HS2ST1: variants seen among roughly 807,000 people sequenced by gnomAD.
The protein encoded by HS2ST1 is heparan sulfate 2-O-sulfotransferase 1.
In HS2ST1, 18 loss-of-function variants were observed where a neutral mutation model predicts 42.9. The observed-to-expected ratio is 0.42, with a 90% CI of 0.29 to 0.62. The LOEUF is 0.62. HS2ST1 is among the 20% of genes least tolerant of loss of function. The pLI is 0.21. For synonymous variants in HS2ST1, 146 were observed against 152.9 expected, an observed-to-expected ratio of 0.95 and a Z score of 0.33; for missense variants, 334 against 433.8, an observed-to-expected ratio of 0.77 and a Z score of 2.04.
rs568914575 is a variant in HS2ST1 at position 87,096,700 on chromosome 1, C to T, written c.589-1138C>T. Among the ~76,000 whole-genome samples the T allele has an allele frequency of 3.7e-4, 56 of 152,242 alleles. 1 individual carries two copies. Among genetic ancestry groups the T allele is most frequent in the South Asian group, 1.7e-3 (8 of 4,824 alleles). The stretch of plus-strand genomic sequence containing the variant: ...ATCCCCCATACCTCAGCTGTGAGAA[C>T]GAGAATTGCCTTCAAACATTGCCAA... On this transcript the variant is annotated intron_variant, in intron 4 of 6. Transcript: ENST00000370550.
chr1:87,109,699 A>G lies in HS2ST1; in HGVS notation c.*5003A>G, dbSNP rs905557490. The G allele has an allele frequency of 3.9e-5, 6 of 152,132 alleles. No individual in the cohort carries two copies. Among genetic ancestry groups the G allele is most frequent in the African/African-American group, 1.4e-4 (6 of 41,456 alleles). 9.4% of individuals were successfully genotyped at this position (152,132 alleles called of 1,614,324 possible). On this transcript the variant is annotated 3_prime_UTR_variant, in exon 7 of 7. Transcript: ENST00000370550. ...ATTGGGTTGATAAAATACCAGTTCA[A>G]TGATGAGTTTTCTTAACAGAATTTG...
chr1:86,919,962 A>G (rs1660257479), intron 1 of HS2ST1, among the ~76,000 whole-genome samples: 3 of 152,264 alleles, frequency 2.0e-5, no homozygotes, highest in Admixed American at 1.3e-4. Flanking sequence ...ACTCGTTACT[A>G]TAAAATGTCA....
At chr1:86,983,490 G>A (rs1648659297) in intron 1 of HS2ST1, among the ~76,000 whole-genome samples, 1 of 152,064 alleles carries the variant, frequency 6.6e-6, no homozygotes, top group Non-Finnish European at 1.5e-5. Flanking sequence ...ACAGCATGGG[G>A]TAAACCACCC....
intron 1 of HS2ST1, among the ~76,000 whole-genome samples, chr1:86,953,014 T>C (rs1038414313): frequency 1.3e-5 from 2 of 152,232 alleles, no homozygotes; most frequent in Non-Finnish European, 2.9e-5. Context: ...TTCATCTACA[T>C]GGAAAATCTA....
chr1:87,096,742 A>G (rs1034837132), intron 4 of HS2ST1, among the ~76,000 whole-genome samples: 1 of 152,246 alleles, frequency 6.6e-6, no homozygotes, highest in Admixed American at 6.5e-5. Context: ...CCTGAGGGTC[A>G]GAATAGCTTC....
chr1:87,003,825 A>G (rs1649358056), intron 1 of HS2ST1, among the ~76,000 whole-genome samples: 1 of 152,116 alleles, frequency 6.6e-6, no homozygotes, highest in Non-Finnish European at 1.5e-5. Context: ...ATACAGGAGG[A>G]TGTGTGTAGG....
chr1:87,016,572 G>C (rs1649766359), intron 1 of HS2ST1, among the ~76,000 whole-genome samples: 1 of 152,032 alleles, frequency 6.6e-6, no homozygotes. Context: ...GTTTATTTCA[G>C]AAAATAATTT....
intron 1 of HS2ST1, among the ~76,000 whole-genome samples, chr1:87,058,582 C>T (rs1651035440): frequency 6.6e-6 from 1 of 151,528 alleles, no homozygotes; most frequent in Non-Finnish European, 1.5e-5. Flanking sequence ...TTCTTAGGAA[C>T]TGTTCCTTCC....
chr1:87,002,694 C>CT (rs1649325620), intron 1 of HS2ST1, among the ~76,000 whole-genome samples: 1 of 151,842 alleles, frequency 6.6e-6, no homozygotes, highest in Non-Finnish European at 1.5e-5. Context: ...ACACAAAAGT[C>CT]TATTTTTTTC....
intron 1 of HS2ST1, among the ~76,000 whole-genome samples, chr1:87,047,259 A>C (rs1413062449): frequency 1.3e-5 from 2 of 152,106 alleles, no homozygotes; most frequent in Non-Finnish European, 2.9e-5. Context: ...GAAGTGTCCA[A>C]ATCCTTAGTT....
Position 87,108,258 on chromosome 1 carries a change from T to C in HS2ST1, c.*3562T>C, listed in dbSNP as rs908294637. On this transcript the variant is annotated 3_prime_UTR_variant, in exon 7 of 7. Coordinates refer to ENST00000370550, the MANE Select transcript of HS2ST1 (RefSeq NM_012262.4). Reference sequence around the variant, plus strand: ...GCATAGCTGGCATTTTAATTTAAATTCAAATCTACATAGAGAACATCTGTG... The same window carrying C: ...GCATAGCTGGCATTTTAATTTAAATCCAAATCTACATAGAGAACATCTGTG... 1.3e-5 allele frequency: 2 copies of C among 152,096 alleles called. No individual in the cohort carries two copies. Among genetic ancestry groups the C allele is most frequent in the Non-Finnish European group, 2.9e-5 (2 of 67,988 alleles). 9.4% of individuals were successfully genotyped at this position (152,096 alleles called of 1,614,324 possible). A position where few individuals can be genotyped will look rare whatever the true frequency, so the allele number is the denominator to read the frequency against.
intron 1 of HS2ST1, chr1:87,064,445 T>C (rs1338896521): frequency 3.9e-6 from 2 of 518,064 alleles, no homozygotes; most frequent in Non-Finnish European, 7.7e-6. Flanking sequence ...GTCTACTCCA[T>C]CTTCCCTTAA....
chr1:87,000,576 G>T (rs951216932), intron 1 of HS2ST1, among the ~76,000 whole-genome samples: 9 of 152,136 alleles, frequency 5.9e-5, no homozygotes, highest in African/African-American at 2.2e-4. Flanking sequence ...AAGACTTCCT[G>T]TTCCAAAAAA....
intron 1 of HS2ST1, among the ~76,000 whole-genome samples, chr1:87,005,985 C>T (rs1649428272): frequency 6.6e-6 from 1 of 151,976 alleles, no homozygotes; most frequent in South Asian, 2.1e-4. Flanking sequence ...TTTCTAGAGC[C>T]ATATTTTTGT....
chr1:87,021,867 A>C (rs1295114150), intron 1 of HS2ST1, among the ~76,000 whole-genome samples: 1 of 152,188 alleles, frequency 6.6e-6, no homozygotes, highest in Admixed American at 6.6e-5. Context: ...ATCAACTCTG[A>C]CTATACATTT....
chr1:87,038,834 T>TA (rs1163059235), intron 1 of HS2ST1, among the ~76,000 whole-genome samples: 1,996 of 148,422 alleles, frequency 0.013, 44 homozygotes, highest in African/African-American at 0.045. Flanking sequence ...AGAGAGAAAC[T>TA]AAAAAAAAAA....
intron 1 of HS2ST1, among the ~76,000 whole-genome samples, chr1:86,920,409 A>C (rs924608960): frequency 2.0e-5 from 3 of 152,160 alleles, no homozygotes; most frequent in Non-Finnish European, 4.4e-5. Flanking sequence ...AGATTTCCTC[A>C]CTTCTGAAAT....
chr1:87,083,526 C>T (rs1466479286), intron 2 of HS2ST1, among the ~76,000 whole-genome samples: 2 of 151,990 alleles, frequency 1.3e-5, no homozygotes, highest in Non-Finnish European at 2.9e-5. Context: ...TCTATATTAA[C>T]CAGTTTTAGA....
At chr1:86,976,702 TTGTA>T (rs1465189885) in intron 1 of HS2ST1, among the ~76,000 whole-genome samples, 1 of 26,794 alleles carries the variant, frequency 3.7e-5, no homozygotes, top group Non-Finnish European at 1.1e-4. Flanking sequence ...CTTTATAAAA[TTGTA>T]TATATATATA....
Sources: gnomAD v4.1 joint callset for allele counts (sites outside exome capture counted in the v4.1 genomes callset) on GRCh38, gnomAD v4.1.1 for gene constraint, MANE v1.5 for transcripts, NCBI Gene and HGNC (gene_info 2026-07-23, HGNC 2026-07-21) for gene names.